UCK2: variants seen among roughly 807,000 people sequenced by gnomAD.
The protein encoded by UCK2 is cytidine monophosphokinase 2.
Under a neutral mutation model 30.8 loss-of-function variants are expected in UCK2, and 6 were observed. The observed-to-expected ratio is 0.19, with a 90% CI of 0.11 to 0.38. UCK2 has a LOEUF of 0.38. Ranked by LOEUF, UCK2 falls within the 10% of genes least tolerant of loss-of-function variation. The pLI is 1.00. For missense variants in UCK2, 210 were observed against 339.8 expected (o/e 0.62, Z 3.00); for synonymous variants, 125 against 133.6 (o/e 0.94, Z 0.45).
intron 3 of UCK2, chr1:165,895,530 G>C (rs974946992): frequency 4.6e-5 from 45 of 985,342 alleles, no homozygotes; most frequent in Non-Finnish European, 5.1e-5. Context: ...TTATTGATAA[G>C]GAAGAGCAGC....
intron 1 of UCK2, among the ~76,000 whole-genome samples, chr1:165,879,284 T>G (rs1223898765): frequency 6.6e-6 from 1 of 152,206 alleles, no homozygotes; most frequent in African/African-American, 2.4e-5. Context: ...TGTCATTCTC[T>G]TGTCAGGATC....
chr1:165,833,416 C>A (rs2101847642), intron 1 of UCK2, among the ~76,000 whole-genome samples: 1 of 152,196 alleles, frequency 6.6e-6, no homozygotes, highest in African/African-American at 2.4e-5. Context: ...CCTGCTTGTT[C>A]ACTGAGCCAT....
At chr1:165,882,220 C>T (rs1358263026) in intron 1 of UCK2, among the ~76,000 whole-genome samples, 1 of 152,126 alleles carries the variant, frequency 6.6e-6, no homozygotes, top group Non-Finnish European at 1.5e-5. Context: ...ATCACCCTAC[C>T]CTTTAAAACT....
At chr1:165,888,642 C>CTTTTTTT (rs60874109) in intron 1 of UCK2, among the ~76,000 whole-genome samples, 207 of 71,046 alleles carry the variant, frequency 2.9e-3, no homozygotes, top group South Asian at 4.1e-3. Flanking sequence ...CTTTCTTCTT[C>CTTTTTTT]TTTTTTTTTT....
intron 1 of UCK2, among the ~76,000 whole-genome samples, chr1:165,861,240 A>G (rs1438076936): frequency 6.6e-6 from 1 of 152,084 alleles, no homozygotes; most frequent in Non-Finnish European, 1.5e-5. Context: ...TCTTAACGCT[A>G]TTGATACGTG....
At chr1:165,848,399 G>T (rs1290218252) in intron 1 of UCK2, among the ~76,000 whole-genome samples, 3 of 152,106 alleles carry the variant, frequency 2.0e-5, no homozygotes, top group Non-Finnish European at 4.4e-5. Context: ...TGGGAGGCCA[G>T]TGCAGGAGGA....
chr1:165,838,394 C>T (rs1654247320), intron 1 of UCK2, among the ~76,000 whole-genome samples: 1 of 152,202 alleles, frequency 6.6e-6, no homozygotes, highest in Non-Finnish European at 1.5e-5. Flanking sequence ...TTTGCACTGG[C>T]TGTTCATTCT....
chr1:165,856,690 T>C (rs1215161112), intron 1 of UCK2, among the ~76,000 whole-genome samples: 1 of 152,174 alleles, frequency 6.6e-6, no homozygotes, highest in Non-Finnish European at 1.5e-5. Context: ...TGGTTAGTTT[T>C]CCAGGAGGTG....
At chr1:165,874,465 T>G (rs548865469) in intron 1 of UCK2, among the ~76,000 whole-genome samples, 153 of 152,264 alleles carry the variant, frequency 1.0e-3, no homozygotes, top group Admixed American at 1.8e-3. Context: ...GTAGCTCATA[T>G]AGCATTTTCA....
intron 1 of UCK2, among the ~76,000 whole-genome samples, chr1:165,830,689 C>T (rs567940795): frequency 5.3e-5 from 8 of 152,170 alleles, no homozygotes; most frequent in South Asian, 4.2e-4. Flanking sequence ...TTTTGACATA[C>T]GAATGATTGA....
At chr1:165,828,776 G>A (rs1653964038) in intron 1 of UCK2, among the ~76,000 whole-genome samples, 1 of 152,082 alleles carries the variant, frequency 6.6e-6, no homozygotes, top group Non-Finnish European at 1.5e-5. Context: ...CTTTACCCGG[G>A]GTTTTTTCTG....
At chr1:165,860,973 A>T (rs1030614213) in intron 1 of UCK2, among the ~76,000 whole-genome samples, 13 of 152,182 alleles carry the variant, frequency 8.5e-5, no homozygotes, top group Admixed American at 3.9e-4. Context: ...CTATAATAAA[A>T]TAGCTTAGAC....
chr1:165,894,616 A>T (rs1434955313), intron 3 of UCK2: 1 of 152,092 alleles, frequency 6.6e-6, no homozygotes, highest in Non-Finnish European at 1.5e-5. Context: ...GATGGTTCTG[A>T]TATGCATCTC....
intron 1 of UCK2, among the ~76,000 whole-genome samples, chr1:165,832,068 CTTAT>C (rs1654062635): frequency 6.6e-6 from 1 of 152,156 alleles, no homozygotes; most frequent in Non-Finnish European, 1.5e-5. Flanking sequence ...CGTGCCCGGC[CTTAT>C]TTTTCTACAC....
chr1:165,865,634 G>A (rs1012385572), intron 1 of UCK2, among the ~76,000 whole-genome samples: 1 of 151,668 alleles, frequency 6.6e-6, no homozygotes, highest in East Asian at 1.9e-4. Flanking sequence ...GAGAGCTACC[G>A]ACAGACTGTC....
At chr1:165,845,628 G>A (rs1204622719) in intron 1 of UCK2, among the ~76,000 whole-genome samples, 1 of 152,152 alleles carries the variant, frequency 6.6e-6, no homozygotes, top group Non-Finnish European at 1.5e-5. Flanking sequence ...GGGGAAGGGG[G>A]TGCTCCTGCA....
At chr1:165,878,964 T>C (rs531573472) in intron 1 of UCK2, among the ~76,000 whole-genome samples, 57 of 152,372 alleles carry the variant, frequency 3.7e-4, no homozygotes, top group African/African-American at 1.3e-3. Context: ...TTGCTCCACA[T>C]CCTTGTTAGC....
chr1:165,908,045 T>TAATTA lies in UCK2; in HGVS notation c.*222_*223insAATTA, dbSNP rs1229542450. The TAATTA allele has an allele frequency of 1.9e-6, 1 of 519,386 alleles. No homozygotes were observed. Among genetic ancestry groups the TAATTA allele is most frequent in the African/African-American group, 1.9e-5 (1 of 52,340 alleles). The allele number at this position is 519,386 out of a possible 1,614,324, so 32.2% of individuals were successfully genotyped here. On this transcript the variant is annotated 3_prime_UTR_variant, in exon 7 of 7. Coordinates refer to ENST00000367879, the MANE Select transcript of UCK2 (RefSeq NM_012474.5). Reference sequence around the variant, plus strand: ...ATAACAAAACTGTGCCAACTACTACTGGTGATGCCTAATTATGAATCCAAC... The same window carrying TAATTA: ...ATAACAAAACTGTGCCAACTACTACTAATTAGGTGATGCCTAATTATGAATCCAAC...
At chr1:165,878,316 C>A (rs1163434359) in intron 1 of UCK2, among the ~76,000 whole-genome samples, 3 of 150,350 alleles carry the variant, frequency 2.0e-5, no homozygotes, top group Non-Finnish European at 4.4e-5. Context: ...TCATGGCTTG[C>A]CAGCTCATTT....
Sources: gnomAD v4.1 joint callset for allele counts (sites outside exome capture counted in the v4.1 genomes callset) on GRCh38, gnomAD v4.1.1 for gene constraint, MANE v1.5 for transcripts, NCBI Gene and HGNC (gene_info 2026-07-23, HGNC 2026-07-21) for gene names.